Variants in MAP2K2 observed in about 807,000 individuals in gnomAD.
MAP2K2 encodes the protein dual specificity mitogen-activated protein kinase kinase 2.
In MAP2K2, 24 loss-of-function variants were observed where a neutral mutation model predicts 43.7. The ratio of observed to expected loss-of-function variants is 0.55; its 90% CI spans 0.40 to 0.77. The LOEUF (loss-of-function observed/expected upper bound fraction) is 0.77. MAP2K2 is among the 30% of genes least tolerant of loss of function. The pLI, the probability that MAP2K2 is intolerant of heterozygous loss-of-function variation, is 0.00. For missense variants in MAP2K2, 470 were observed against 566.8 expected (o/e 0.83, Z 1.73); for synonymous variants, 244 against 239.7 (o/e 1.02, Z -0.17).
Position 4,099,254 on chromosome 19 carries a change from C to T in MAP2K2, c.866G>A (p.Gly289Glu), listed in dbSNP as rs2145049795. The T allele has an allele frequency of 1.2e-6, 2 of 1,605,892 alleles. No individual in the cohort carries two copies. Among genetic ancestry groups the T allele is most frequent in the East Asian group, 2.2e-5 (1 of 44,544 alleles). Residue 289 changes from glycine (G) to glutamate (E), a missense_variant, in exon 7 of 11, where the codon GGA (glycine) becomes GAA (glutamate). Physicochemically the swap from Gly to Glu is moderately conservative, Grantham distance 98. This residue lies in a region of MAP2K2 where 212 missense variants were observed against 220.8 expected (regional missense o/e 0.96). Coordinates refer to ENST00000262948, the MANE Select transcript of MAP2K2 (RefSeq NM_030662.4). ...CCGAGGCGAGATGCTGTGAGGCTCT[C>T]CTTCTTCCCCGTCGACCACGGGCCG... ...FGRPVVDGEE[G>E]EPHSISPRPR... is the part of the protein sequence containing the mutation.
rs1216277558 is a variant in MAP2K2, at chr19:4,102,508, C to T, written c.451-55G>A. On this transcript the variant is annotated intron_variant, in intron 3 of 10. Coordinates refer to ENST00000262948, the MANE Select transcript of MAP2K2 (RefSeq NM_030662.4). ...CTCTGCGCAGGTGGCCGGGAAGCCA[C>T]GGATGCGTCCCCCCACTCCCGGCGA... 9 of 1,330,770 alleles carry T rather than the reference C, an allele frequency of 6.8e-6. No homozygotes were observed. In the East Asian group the frequency reaches 7.3e-5, roughly 11 times the overall value. The allele number at this position is 1,330,770 out of a possible 1,614,324, so 82.4% of individuals were successfully genotyped here. A position where few individuals can be genotyped will look rare whatever the true frequency, so the allele number is the denominator to read the frequency against.
At chr19:4,092,023 G>C (rs2040859610) in intron 10 of MAP2K2, among the ~76,000 whole-genome samples, 1 of 152,176 alleles carries the variant, frequency 6.6e-6, no homozygotes, top group Non-Finnish European at 1.5e-5. Flanking sequence ...GAAGCCTCTT[G>C]GTTGGAAGGG....
intron 9 of MAP2K2, 179 bp from the exon 10 acceptor site, chr19:4,094,677 C>T (rs988945187): frequency 1.1e-5 from 7 of 640,636 alleles, no homozygotes; most frequent in Non-Finnish European, 8.4e-6. Context: ...GACGAGGGAT[C>T]CACCTCTGCA....
chr19:4,107,947 G>T (rs907559697), intron 3 of MAP2K2, among the ~76,000 whole-genome samples: 1 of 152,172 alleles, frequency 6.6e-6, no homozygotes. Flanking sequence ...CGTGGTAAGG[G>T]TGAGCGGTGG....
intron 7 of MAP2K2, among the ~76,000 whole-genome samples, chr19:4,098,743 G>A (rs1033972102): frequency 3.9e-5 from 6 of 152,354 alleles, no homozygotes; most frequent in East Asian, 3.9e-4. Flanking sequence ...TGTTGGGGCC[G>A]GAGCCAACAG....
intron 3 of MAP2K2, among the ~76,000 whole-genome samples, chr19:4,109,598 ATGT>A (rs1014537087): frequency 2.0e-5 from 3 of 152,002 alleles, no homozygotes; most frequent in Non-Finnish European, 4.4e-5. Context: ...CCATTTTTAA[ATGT>A]TGTTAACAAT....
At chr19:4,095,508 C>T (rs2040906146) in intron 8 of MAP2K2, 59 bp from the exon 9 acceptor site, 1 of 1,419,062 alleles carries the variant, frequency 7.0e-7, no homozygotes, top group Non-Finnish European at 9.7e-7. Context: ...CCCTCGGCTG[C>T]AGCCCTCTCT....
intron 3 of MAP2K2, among the ~76,000 whole-genome samples, chr19:4,108,801 C>G (rs1008504233): frequency 1.3e-5 from 2 of 152,026 alleles, no homozygotes; most frequent in Non-Finnish European, 2.9e-5. Context: ...TCCTGAGTAG[C>G]GAGGGTGCCT....
rs570411265 is a variant in MAP2K2 at position 4,117,278 on chromosome 19, C to T, written c.303+141G>A. ...CCAGAAGCTGGGCCCTTTCTCAGGA[C>T]CTAGAGTCCCTGGTGGGGATGAGGG... On this transcript the variant is annotated intron_variant, in intron 2 of 10. Transcript: ENST00000262948. 3.8e-5 allele frequency: 31 copies of T among 819,496 alleles called. No homozygotes were observed. The East Asian group carries it at 7.4e-4, about 20-fold the overall frequency. The allele number at this position is 819,496 out of a possible 1,614,324, so 50.8% of individuals were successfully genotyped here.
rs765573431 is a variant in MAP2K2, at chr19:4,101,275, G to C, written c.534C>G (p.Leu178=). 20 of 1,581,858 alleles carry C rather than the reference G, an allele frequency of 1.3e-5. No homozygotes were observed. The East Asian group carries it at 3.7e-4, about 29-fold the overall frequency. The change falls in exon 5 of 11, where the codon CTC becomes CTG. Residue 178 remains leucine (L), a synonymous_variant. Coordinates refer to ENST00000262948, the MANE Select transcript of MAP2K2 (RefSeq NM_030662.4). This position sits in a 1 kb window ranked among gnomAD's most constrained non-coding sequence, Gnocchi z 6.3. The part of the protein sequence containing the change: ...EILGKVSIAV[L]RGLAYLREKH... ...TCTCTCGGAGGTACGCCAAGCCCCG[G>C]AGAACCTGCAGGGGAGCGCGGAGGG... is the stretch of plus-strand genomic sequence containing the variant.
chr19:4,095,187 C>T lies in MAP2K2; in HGVS notation c.1046+201G>A, dbSNP rs570270075. 2.6e-4 allele frequency: 150 copies of T among 573,926 alleles called. 1 individual carries two copies. Among genetic ancestry groups the T allele is most frequent in the African/African-American group, 1.9e-3 (102 of 53,454 alleles). 35.6% of individuals were successfully genotyped at this position (573,926 alleles called of 1,614,324 possible). A position where few individuals can be genotyped will look rare whatever the true frequency, so the allele number is the denominator to read the frequency against. On this transcript the variant is annotated intron_variant, in intron 9 of 10. Coordinates refer to ENST00000262948, the MANE Select transcript of MAP2K2 (RefSeq NM_030662.4). ...CAATCCTGCTTCACCCCTGGGCTCA[C>T]GGACAGGATGGCATGGCAGCCGGGA...
At chr19:4,109,026 G>A (rs1034978263) in intron 3 of MAP2K2, among the ~76,000 whole-genome samples, 6 of 152,174 alleles carry the variant, frequency 3.9e-5, no homozygotes, top group African/African-American at 7.2e-5. Context: ...TGCCTTGCTC[G>A]GGTCACATGG....
At chr19:4,100,429 CAAAAAAAAAAAAA>C (rs564673420) in intron 6 of MAP2K2, 4 of 53,848 alleles carry the variant, frequency 7.4e-5, no homozygotes, top group Admixed American at 5.7e-4. Flanking sequence ...GACTCTGTCT[CAAAAAAAAAAAAA>C]AAAAAAAAAA....
intron 3 of MAP2K2, 100 bp downstream of exon 3, chr19:4,110,409 G>A: frequency 6.8e-7 from 1 of 1,464,130 alleles, no homozygotes; most frequent in Non-Finnish European, 9.4e-7. Flanking sequence ...CCAGCGCACT[G>A]TTGCCTCTGA....
intron 7 of MAP2K2, among the ~76,000 whole-genome samples, chr19:4,098,005 A>C (rs1249234704): frequency 1.3e-5 from 2 of 152,112 alleles, no homozygotes; most frequent in Non-Finnish European, 2.9e-5. Flanking sequence ...CTGGCTGGAG[A>C]GGAGGAGGTG....
chr19:4,102,406 G>T lies in MAP2K2; in HGVS notation c.498C>A (p.Pro166=), dbSNP rs139404261. ...DQVLKEAKRI[P]EEILGKVSIA... ...TGCTGACTTTCCCCAGGATCTCCTC[G>T]GGAATCCTCTTGGCCTCTTTCAGCA... The change falls in exon 4 of 11, where the codon CCC becomes CCA. Residue 166 remains proline (P), a synonymous_variant. Coordinates refer to ENST00000262948, the MANE Select transcript of MAP2K2 (RefSeq NM_030662.4). The T allele has an allele frequency of 6.2e-7, 1 of 1,606,048 alleles. No individual in the cohort carries two copies.
At chr19:4,122,091 GC>G (rs533922308) in intron 1 of MAP2K2, among the ~76,000 whole-genome samples, 2 of 42,962 alleles carry the variant, frequency 4.7e-5, no homozygotes, top group African/African-American at 1.0e-4. Context: ...ACCGCTCCCC[GC>G]CCCCCCAAGA....
Position 4,101,287 on chromosome 19 carries a change from G to C in MAP2K2, c.529-7C>G. 6.3e-7 allele frequency: 1 copy of C among 1,576,796 alleles called. No individual in the cohort carries two copies. Among genetic ancestry groups the C allele is most frequent in the South Asian group, 1.2e-5 (1 of 85,966 alleles). On this transcript the variant is annotated splice_polypyrimidine_tract_variant and splice_region_variant and intron_variant, in intron 4 of 10. Transcript: ENST00000262948. The surrounding 1 kb of genome is among the most constrained non-coding windows in gnomAD (Gnocchi z 6.3). ...ACGCCAAGCCCCGGAGAACCTGCAG[G>C]GGAGCGCGGAGGGAGTCACGGGACA...
chr19:4,119,661 C>T (rs1465067298), intron 1 of MAP2K2, among the ~76,000 whole-genome samples: 1 of 152,206 alleles, frequency 6.6e-6, no homozygotes, highest in Non-Finnish European at 1.5e-5. Flanking sequence ...CATTATTGCG[C>T]CTATGCTCTC....
Sources: gnomAD v4.1 joint callset for allele counts (sites outside exome capture counted in the v4.1 genomes callset) on GRCh38, gnomAD v4.1.1 for gene constraint, gnomAD v4.1.1 regional missense constraint, Gnocchi (gnomAD v3.1) non-coding constraint, MANE v1.5 for transcripts, NCBI Gene and HGNC (gene_info 2026-07-23, HGNC 2026-07-21) for gene names.